The following CRPPA variants were observed in gnomAD, a reference collection of about 807,000 sequenced individuals.
CRPPA encodes the protein CDP-L-ribitol pyrophosphorylase A.
CRPPA carries 43 observed loss-of-function variants against 52.0 expected under a neutral mutation model. The observed-to-expected ratio is 0.83, with a 90% CI of 0.65 to 1.07. The LOEUF is 1.07. Ranked by LOEUF, CRPPA falls within the 50% of genes least tolerant of loss-of-function variation. The pLI is 0.00. For synonymous variants in CRPPA, 250 were observed against 203.5 expected, an observed-to-expected ratio of 1.23 and a Z score of -1.94; for missense variants, 629 against 551.7, an observed-to-expected ratio of 1.14 and a Z score of -1.40.
At chr7:16,190,951 T>G (rs1033231595) in intron 9 of CRPPA, among the ~76,000 whole-genome samples, 1 of 152,146 alleles carries the variant, frequency 6.6e-6, no homozygotes, top group Non-Finnish European at 1.5e-5. Context: ...ATTTTGTTCC[T>G]TTTTATGGCT....
chr7:16,361,941 A>G (rs7793795), intron 3 of CRPPA, among the ~76,000 whole-genome samples: 140,540 of 152,102 alleles, frequency 0.92, 65,152 homozygotes, highest in East Asian at 0.98. Context: ...TGCAAACTCC[A>G]CCTCCCGGGT....
chr7:16,361,151 C>G (rs1786432540), intron 3 of CRPPA, among the ~76,000 whole-genome samples: 1 of 152,102 alleles, frequency 6.6e-6, no homozygotes, highest in African/African-American at 2.4e-5. Context: ...CAAATCAAAA[C>G]CACAATCAGA....
At chr7:16,118,709 T>A (rs1782426681) in intron 9 of CRPPA, among the ~76,000 whole-genome samples, 1 of 152,208 alleles carries the variant, frequency 6.6e-6, no homozygotes, top group Admixed American at 6.6e-5. Flanking sequence ...TGAGGATGAC[T>A]GGAAACAAAG....
intron 8 of CRPPA, among the ~76,000 whole-genome samples, chr7:16,253,767 C>T (rs1255504383): frequency 3.3e-5 from 5 of 152,058 alleles, no homozygotes; most frequent in Non-Finnish European, 7.4e-5. Context: ...AGCTTCTGCA[C>T]AGCAAAAGAA....
At chr7:16,157,365 C>T (rs1783204694) in intron 9 of CRPPA, among the ~76,000 whole-genome samples, 2 of 151,848 alleles carry the variant, frequency 1.3e-5, no homozygotes, top group South Asian at 2.1e-4. Context: ...GCAACAAGTC[C>T]GTATTGATTA....
chr7:16,299,524 G>T (rs1217941050), intron 5 of CRPPA, among the ~76,000 whole-genome samples: 1 of 152,058 alleles, frequency 6.6e-6, no homozygotes, highest in Non-Finnish European at 1.5e-5. Context: ...CAATGCTGCT[G>T]GTCTAGAGCA....
intron 9 of CRPPA, among the ~76,000 whole-genome samples, chr7:16,182,655 G>A (rs540986006): frequency 6.6e-6 from 1 of 152,188 alleles, no homozygotes; most frequent in Admixed American, 6.5e-5. Flanking sequence ...CCAAATAACT[G>A]TATTTGTTTT....
intron 9 of CRPPA, among the ~76,000 whole-genome samples, chr7:16,093,596 C>T (rs187642037): frequency 5.3e-5 from 8 of 152,076 alleles, no homozygotes; most frequent in African/African-American, 9.6e-5. Flanking sequence ...GGGTTTTATA[C>T]GACATTTTAA....
At chr7:16,239,559 C>CAAAAAAAAAAAAAAAA (rs751232682) in intron 8 of CRPPA, among the ~76,000 whole-genome samples, 1 of 47,632 alleles carries the variant, frequency 2.1e-5, no homozygotes, top group African/African-American at 7.5e-5. Context: ...AAGTCAATAG[C>CAAAAAAAAAAAAAAAA]AAAAAAAAAA....
chr7:16,194,711 G>A (rs1486867172), intron 9 of CRPPA, among the ~76,000 whole-genome samples: 1 of 152,054 alleles, frequency 6.6e-6, no homozygotes, highest in East Asian at 1.9e-4. Flanking sequence ...CTCAATTAAG[G>A]GTCAAGATGG....
chr7:16,198,719 G>A (rs796216700), intron 9 of CRPPA, among the ~76,000 whole-genome samples: 12 of 139,928 alleles, frequency 8.6e-5, no homozygotes, highest in African/African-American at 1.6e-4. Context: ...CCATACTTGC[G>A]CAGCATTTTT....
intron 9 of CRPPA, 29 bp from the exon 10 acceptor site, chr7:16,091,828 T>G: frequency 1.5e-6 from 2 of 1,319,502 alleles, no homozygotes; most frequent in Non-Finnish European, 2.0e-6. Flanking sequence ...CCAGTAATAT[T>G]TTAGAAAAAA....
intron 9 of CRPPA, among the ~76,000 whole-genome samples, chr7:16,170,690 G>C (rs1034879334): frequency 1.4e-4 from 21 of 152,224 alleles, no homozygotes; most frequent in Non-Finnish European, 2.6e-4. Flanking sequence ...CTCGGAGCAT[G>C]GGCATGGTGG....
intron 2 of CRPPA, among the ~76,000 whole-genome samples, chr7:16,378,512 G>C (rs1397437367): frequency 6.6e-6 from 1 of 151,774 alleles, no homozygotes; most frequent in Non-Finnish European, 1.5e-5. Flanking sequence ...GTCTATCATT[G>C]TTGGACATTT....
intron 1 of CRPPA, among the ~76,000 whole-genome samples, chr7:16,409,635 T>C (rs549011430): frequency 6.6e-6 from 1 of 152,216 alleles, no homozygotes; most frequent in African/African-American, 2.4e-5. Context: ...ATAGCCAATA[T>C]AAATTAAGCA....
At chr7:16,263,066 T>C (rs1028617941) in intron 6 of CRPPA, among the ~76,000 whole-genome samples, 7 of 152,212 alleles carry the variant, frequency 4.6e-5, no homozygotes, top group African/African-American at 1.4e-4. Flanking sequence ...TGTACATCTT[T>C]AGACAAAAGG....
At chr7:16,201,320 C>A (rs925093988) in intron 9 of CRPPA, among the ~76,000 whole-genome samples, 11 of 152,160 alleles carry the variant, frequency 7.2e-5, no homozygotes, top group Non-Finnish European at 1.2e-4. Flanking sequence ...GAAAACCAAG[C>A]TACCAGTTAC....
intron 9 of CRPPA, among the ~76,000 whole-genome samples, chr7:16,112,892 T>A (rs950154059): frequency 6.6e-6 from 1 of 152,024 alleles, no homozygotes; most frequent in Non-Finnish European, 1.5e-5. Context: ...TTTCCCCTGA[T>A]GGAATATGTA....
intron 8 of CRPPA, among the ~76,000 whole-genome samples, chr7:16,225,859 A>G (rs1198091398): frequency 6.6e-6 from 1 of 151,956 alleles, no homozygotes; most frequent in Non-Finnish European, 1.5e-5. Context: ...TGTTTTATGT[A>G]CCTACTTTTG....
Sources: allele counts gnomAD v4.1 joint callset (sites outside exome capture counted in the v4.1 genomes callset), GRCh38; gene constraint gnomAD v4.1.1; transcripts MANE v1.5; gene names NCBI Gene and HGNC (gene_info 2026-07-23, HGNC 2026-07-21).